Variants in CSMD2 observed in about 807,000 individuals in gnomAD.
CSMD2 encodes CUB and sushi domain-containing protein 2.
CSMD2 carries 130 observed loss-of-function variants against 398.5 expected under a neutral mutation model. The observed-to-expected ratio is 0.33, with a 90% CI of 0.28 to 0.38. The LOEUF (loss-of-function observed/expected upper bound fraction) is 0.38. Among genes scored for constraint, CSMD2 ranks in the 10% least tolerant of loss-of-function variants. The pLI, the probability that CSMD2 is intolerant of heterozygous loss-of-function variation, is 1.00. For missense variants in CSMD2, 3,829 were observed against 4,764.9 expected, an observed-to-expected ratio of 0.80 and a Z score of 5.78; for synonymous variants, 1,828 against 1,908.5, an observed-to-expected ratio of 0.96 and a Z score of 1.10.
chr1:34,094,151 C>G (rs1658986143), intron 1 of CSMD2, among the ~76,000 whole-genome samples: 1 of 151,712 alleles, frequency 6.6e-6, no homozygotes. Flanking sequence ...TCATATCCAG[C>G]CAAACTAAGC....
chr1:33,611,838 T>A (rs1314364292), intron 40 of CSMD2, among the ~76,000 whole-genome samples: 2 of 152,226 alleles, frequency 1.3e-5, no homozygotes, highest in Non-Finnish European at 2.9e-5. Context: ...ATGTACATAG[T>A]AATATACTCT....
chr1:34,115,759 T>C (rs1053499351), intron 1 of CSMD2, among the ~76,000 whole-genome samples: 12 of 152,062 alleles, frequency 7.9e-5, no homozygotes, highest in Non-Finnish European at 1.5e-4. Context: ...AAAATATAAG[T>C]ATAATGAATA....
chr1:33,744,974 A>G (rs1647225607), intron 13 of CSMD2, among the ~76,000 whole-genome samples: 1 of 152,224 alleles, frequency 6.6e-6, no homozygotes. Flanking sequence ...GAATTAATTC[A>G]AAAGAAAAAG....
At chr1:33,821,092 T>G (rs1018961117) in intron 7 of CSMD2, among the ~76,000 whole-genome samples, 2 of 152,190 alleles carry the variant, frequency 1.3e-5, no homozygotes, top group Non-Finnish European at 2.9e-5. Context: ...ACATTTCTTC[T>G]GAGAAACCTC....
intron 41 of CSMD2, among the ~76,000 whole-genome samples, chr1:33,607,008 C>T (rs1640660688): frequency 6.6e-6 from 1 of 152,182 alleles, no homozygotes; most frequent in South Asian, 2.1e-4. Flanking sequence ...AAGGGACACA[C>T]CTGGTGACAG....
intron 5 of CSMD2, among the ~76,000 whole-genome samples, chr1:33,848,237 C>T (rs72881496): frequency 0.021 from 3,240 of 152,290 alleles, 114 homozygotes; most frequent in African/African-American, 0.074. Flanking sequence ...TTACCACTCC[C>T]AATCCTGGAG....
intron 20 of CSMD2, among the ~76,000 whole-genome samples, chr1:33,715,354 G>A (rs555238542): frequency 2.0e-5 from 3 of 152,198 alleles, no homozygotes; most frequent in East Asian, 1.9e-4. Flanking sequence ...TGAGGCAGAC[G>A]GCAAGCATGA....
chr1:33,653,439 C>T (rs1007400039), intron 27 of CSMD2, among the ~76,000 whole-genome samples: 1 of 152,222 alleles, frequency 6.6e-6, no homozygotes, highest in African/African-American at 2.4e-5. Flanking sequence ...GTGCTCCTGG[C>T]ATCTGCTCGC....
chr1:33,553,067 A>T (rs1482154290), intron 55 of CSMD2, among the ~76,000 whole-genome samples: 1 of 152,122 alleles, frequency 6.6e-6, no homozygotes, highest in African/African-American at 2.4e-5. Flanking sequence ...ATAAAATGAT[A>T]AAAAAATCAT....
chr1:33,587,780 G>A (rs1639185152), intron 44 of CSMD2, among the ~76,000 whole-genome samples: 1 of 152,214 alleles, frequency 6.6e-6, no homozygotes, highest in African/African-American at 2.4e-5. Context: ...CCTATGGGCA[G>A]AGACTGGATG....
At chr1:34,149,901 T>C (rs1292151472) in intron 1 of CSMD2, among the ~76,000 whole-genome samples, 1 of 152,080 alleles carries the variant, frequency 6.6e-6, no homozygotes, top group Non-Finnish European at 1.5e-5. Context: ...GAGCCTTTGC[T>C]CAAAGACACC....
intron 9 of CSMD2, chr1:33,812,957 A>G (rs1657025768): frequency 6.6e-6 from 1 of 152,162 alleles, no homozygotes. Context: ...TACTAAACAA[A>G]TTAAAATAAG....
At chr1:33,726,504 A>G (rs745918065) in intron 16 of CSMD2, 43 bp downstream of exon 16, 44 of 1,567,912 alleles carry the variant, frequency 2.8e-5, no homozygotes, top group East Asian at 4.6e-5. Flanking sequence ...CTCTGTAAAA[A>G]TCTCCCCCTT....
intron 25 of CSMD2, among the ~76,000 whole-genome samples, chr1:33,667,639 TA>T (rs1644359131): frequency 6.6e-6 from 1 of 152,164 alleles, no homozygotes; most frequent in South Asian, 2.1e-4. Flanking sequence ...GAGTCATACG[TA>T]AGCTGATATG....
chr1:33,932,681 G>T (rs1644352032), intron 4 of CSMD2, among the ~76,000 whole-genome samples: 1 of 152,172 alleles, frequency 6.6e-6, no homozygotes, highest in African/African-American at 2.4e-5. Flanking sequence ...CCTCCATGAG[G>T]TGCCCCTCAT....
chr1:34,091,607 T>A (rs1239491830), intron 1 of CSMD2, among the ~76,000 whole-genome samples: 1 of 152,128 alleles, frequency 6.6e-6, no homozygotes, highest in Non-Finnish European at 1.5e-5. Context: ...TAAAGGACTT[T>A]AATATTAAGA....
intron 2 of CSMD2, among the ~76,000 whole-genome samples, chr1:34,062,180 C>T (rs1200868033): frequency 6.6e-6 from 1 of 152,208 alleles, no homozygotes; most frequent in Non-Finnish European, 1.5e-5. Flanking sequence ...AGCCCTTGAC[C>T]TTGCTGGGAC....
chr1:34,028,893 T>C (rs905413816), intron 3 of CSMD2, among the ~76,000 whole-genome samples: 9 of 152,188 alleles, frequency 5.9e-5, no homozygotes, highest in African/African-American at 1.9e-4. Flanking sequence ...TTTGATCTTT[T>C]CCTTGCGGCG....
Position 33,846,943 on chromosome 1 carries a change from C to A in CSMD2, c.974G>T (p.Arg325Leu). The change falls in exon 6 of 71, where the codon CGA (arginine) becomes CTA (leucine). Residue 325 changes from arginine (R) to leucine (L), a missense_variant. Coordinates refer to ENST00000373381, the MANE Select transcript of CSMD2 (RefSeq NM_001281956.2). ...GTTGCCATCCGATGTGAAGTGCAGT[C>A]GCAGCCAGTTCTTGCTGCTGATAAC... Reference protein sequence around the residue: ...APVISSKNWLRLHFTSDGNHR... With the variant: ...APVISSKNWLLLHFTSDGNHR... 6.2e-7 allele frequency: 1 copy of A among 1,610,704 alleles called. No homozygotes were observed. Among genetic ancestry groups the A allele is most frequent in the South Asian group, 1.1e-5 (1 of 90,458 alleles).
Sources: allele counts gnomAD v4.1 joint callset (sites outside exome capture counted in the v4.1 genomes callset), GRCh38; gene constraint gnomAD v4.1.1; transcripts MANE v1.5; gene names NCBI Gene and HGNC (gene_info 2026-07-23, HGNC 2026-07-21).